Variants in DGCR8 observed in about 807,000 individuals in gnomAD.
DGCR8 encodes the protein DGCR8 microprocessor complex subunit, also known as microprocessor complex subunit DGCR8.
A neutral mutation model predicts 78.5 loss-of-function variants in DGCR8; 14 were observed. The ratio of observed to expected loss-of-function variants is 0.18; its 90% CI spans 0.12 to 0.28. DGCR8 has a LOEUF of 0.28. Ranked by LOEUF, DGCR8 falls within the 10% of genes least tolerant of loss-of-function variation. The pLI, the probability that DGCR8 is intolerant of heterozygous loss-of-function variation, is 1.00. For synonymous variants in DGCR8, 399 were observed against 402.4 expected (o/e 0.99, Z 0.10); for missense variants, 702 against 1,022.5 (o/e 0.69, Z 4.28).
At chr22:20,084,687 G>T (rs1394332125) in intron 1 of DGCR8, among the ~76,000 whole-genome samples, 1 of 152,168 alleles carries the variant, frequency 6.6e-6, no homozygotes, top group East Asian at 1.9e-4. Flanking sequence ...GCTGGAATTT[G>T]GGTGTCCTTC....
rs2049582646 is a variant in DGCR8, at chr22:20,092,896, A to G, written c.1694A>G (p.Lys565Arg). 3 of 1,613,386 alleles carry G rather than the reference A, an allele frequency of 1.9e-6. No individual in the cohort carries two copies. The highest frequency in any genetic ancestry group is 2.5e-6 in the Non-Finnish European group (3 of 1,179,472). Residue 565 changes from lysine to arginine, a missense_variant, in exon 8 of 14, where the codon AAG becomes AGG. Lys to Arg is a conservative substitution (Grantham distance 26). Transcript: ENST00000351989. ...SGTASSKKLA[K>R]NKAARATLEI... ...ACTGCAAGCAGCAAAAAACTTGCGA[A>G]GAATAAAGCTGGTAACGTGCTTGCT...
chr22:20,106,718 T>C lies in DGCR8; in HGVS notation c.1996+20T>C. The C allele has an allele frequency of 1.3e-6, 2 of 1,574,698 alleles. No homozygotes were observed. The highest frequency in any genetic ancestry group is 1.7e-6 in the Non-Finnish European group (2 of 1,144,304). ...GGTGGTGTAAGGACTCCTTCTCTGC[T>C]GCCTGGTGGCCGCTGGGCGGGCGGC... On this transcript the variant is annotated intron_variant, in intron 11 of 13. Coordinates refer to ENST00000351989, the MANE Select transcript of DGCR8 (RefSeq NM_022720.7).
chr22:20,082,929 G>T (rs2049434568), intron 1 of DGCR8, among the ~76,000 whole-genome samples: 1 of 152,208 alleles, frequency 6.6e-6, no homozygotes, highest in Admixed American at 6.5e-5. Context: ...CTATCCGGTG[G>T]CCCATCTCTC....
intron 7 of DGCR8, 83 bp downstream of exon 7, chr22:20,092,053 C>A: frequency 9.6e-7 from 1 of 1,041,636 alleles, no homozygotes; most frequent in Non-Finnish European, 1.5e-6. Context: ...GCGCTGACCG[C>A]TAGCCCTACT....
In DGCR8 at chr22:20,110,312, C is replaced by G. The variant is rs963870403; in HGVS notation, c.*204C>G. 61 of 573,588 alleles carry G rather than the reference C, an allele frequency of 1.1e-4. No homozygotes were observed. The highest frequency in any genetic ancestry group is 9.1e-4 in the Middle Eastern group (2 of 2,196). The allele number at this position is 573,588 out of a possible 1,614,324, so 35.5% of individuals were successfully genotyped here. ...CACACATGTGGAGCAGCGGCTCTCC[C>G]TGGAAAGCTCCAGGCCTGAATGGAT... On this transcript the variant is annotated 3_prime_UTR_variant, in exon 14 of 14. Transcript: ENST00000351989.
Position 20,085,550 on chromosome 22 carries a change from T to G in DGCR8, c.-277-137T>G. The G allele has an allele frequency of 6.6e-6, 4 of 601,992 alleles. No homozygotes were observed. The highest frequency in any genetic ancestry group is 9.7e-6 in the Non-Finnish European group (4 of 413,538). The allele number at this position is 601,992 out of a possible 1,614,324, so 37.3% of individuals were successfully genotyped here. A position where few individuals can be genotyped will look rare whatever the true frequency, so the allele number is the denominator to read the frequency against. On this transcript the variant is annotated intron_variant, in intron 1 of 13. Transcript: ENST00000351989. This position sits in a 1 kb window ranked among gnomAD's most constrained non-coding sequence, Gnocchi z 6.2. ...TAAAAGTAAGGTTAGTTTGTTTTGA[T>G]GCCTAAAAAGTCCTCTTAGGGAATA...
Position 20,086,825 on chromosome 22 carries a change from T to C in DGCR8, c.720+142T>C. The C allele has an allele frequency of 9.5e-7, 1 of 1,051,538 alleles. No individual in the cohort carries two copies. Among genetic ancestry groups the C allele is most frequent in the African/African-American group, 1.6e-5 (1 of 62,384 alleles). The allele number at this position is 1,051,538 out of a possible 1,614,324, so 65.1% of individuals were successfully genotyped here. ...CCCCTCTGAGGTGGAATAATGTTAA[T>C]GTGGAGAAGAGAAAGATGTAAGGAG... is the stretch of plus-strand genomic sequence containing the variant. On this transcript the variant is annotated intron_variant, in intron 2 of 13. Coordinates refer to ENST00000351989, the MANE Select transcript of DGCR8 (RefSeq NM_022720.7). This position sits in a 1 kb window ranked among gnomAD's most constrained non-coding sequence, Gnocchi z 6.4.
Position 20,098,182 on chromosome 22 carries a change from G to A in DGCR8, c.1788+3387G>A, listed in dbSNP as rs12628316. Reference sequence around the variant, plus strand: ...ATATATATATATGGGGTAGAGATGGGGTTTCACCATATTGCTCAGGCTGGT... The same window carrying A: ...ATATATATATATGGGGTAGAGATGGAGTTTCACCATATTGCTCAGGCTGGT... On this transcript the variant is annotated intron_variant, in intron 9 of 13. Coordinates refer to ENST00000351989, the MANE Select transcript of DGCR8 (RefSeq NM_022720.7). Among the ~76,000 whole-genome samples, 140 of 151,728 alleles carry A rather than the reference G, an allele frequency of 9.2e-4. 1 individual carries two copies. The East Asian group carries it at 0.027, about 29-fold the overall frequency.
intron 9 of DGCR8, chr22:20,102,032 T>C (rs1333597983): frequency 1.0e-6 from 1 of 985,300 alleles, no homozygotes; most frequent in African/African-American, 1.7e-5. Flanking sequence ...TAGCTGTGGG[T>C]TGGTGGTTCA....
In DGCR8 at chr22:20,086,390, G is replaced by A. The variant is rs1306931358; in HGVS notation, c.427G>A (p.Asp143Asn). 10 of 1,613,882 alleles carry A rather than the reference G, an allele frequency of 6.2e-6. No homozygotes were observed. The highest frequency in any genetic ancestry group is 1.6e-4 in the Middle Eastern group (1 of 6,084). ...GGTGCTGTACACAGGAGCAGAGCGC[G>A]ACGTGCGGGCGGAGTGCGGTCTGCT... ...RKVLYTGAERDVRAECGLLLS... is the reference protein window; with the variant it reads ...RKVLYTGAERNVRAECGLLLS... The change falls in exon 2 of 14, where the codon GAC (aspartate) becomes AAC (asparagine). Residue 143 changes from aspartate (D) to asparagine (N), a missense_variant. Around this residue, in one of 4 missense-constraint regions of DGCR8, gnomAD observed 356 missense variants for 448.9 expected, o/e 0.79. Coordinates refer to ENST00000351989, the MANE Select transcript of DGCR8 (RefSeq NM_022720.7). This position sits in a 1 kb window ranked among gnomAD's most constrained non-coding sequence, Gnocchi z 6.4.
At chr22:20,099,233 A>G (rs77544310) in intron 9 of DGCR8, among the ~76,000 whole-genome samples, 6,313 of 152,270 alleles carry the variant, frequency 0.041, 178 homozygotes, top group South Asian at 0.095. Context: ...GACATACGCT[A>G]GAGCCTTTCA....
At chr22:20,095,935 G>A (rs1247029801) in intron 9 of DGCR8, among the ~76,000 whole-genome samples, 3 of 151,958 alleles carry the variant, frequency 2.0e-5, no homozygotes, top group South Asian at 4.2e-4. Flanking sequence ...TTCACAATAG[G>A]GTTCACACTC....
rs1053615008 is a variant in DGCR8, at chr22:20,087,936, A to C, written c.880+615A>C. On this transcript the variant is annotated intron_variant, in intron 3 of 13. Coordinates refer to ENST00000351989, the MANE Select transcript of DGCR8 (RefSeq NM_022720.7). The surrounding 1 kb of genome is among the most constrained non-coding windows in gnomAD (Gnocchi z 4.1). ...TGAGGCTCTGTCATCGATGTGGTGC[A>C]GGTGTTGGGGGAGTCGGAGTTGGTG... 6.6e-6 allele frequency among the ~76,000 whole-genome samples: 1 copy of C among 152,092 alleles called. No individual in the cohort carries two copies.
At chr22:20,100,319 C>T in intron 9 of DGCR8, 1 of 972,564 alleles carries the variant, frequency 1.0e-6, no homozygotes, top group South Asian at 4.8e-5. Flanking sequence ...TCCGTCTTGG[C>T]CTCCCAAAGT....
chr22:20,103,969 A>T (rs2049738118), intron 9 of DGCR8, among the ~76,000 whole-genome samples: 3 of 152,182 alleles, frequency 2.0e-5, no homozygotes, highest in Admixed American at 2.0e-4. Flanking sequence ...GTCCTTTGGC[A>T]TCTGCCAGGC....
intron 5 of DGCR8, among the ~76,000 whole-genome samples, chr22:20,090,964 G>GC (rs2049550793): frequency 6.6e-6 from 1 of 152,220 alleles, no homozygotes; most frequent in African/African-American, 2.4e-5. Flanking sequence ...TGGGGAAGTG[G>GC]CCCGGGAGGA....
chr22:20,109,446 C>T (rs1032211627), intron 13 of DGCR8, among the ~76,000 whole-genome samples: 3 of 152,180 alleles, frequency 2.0e-5, no homozygotes, highest in Non-Finnish European at 2.9e-5. Context: ...CTGGCCACGG[C>T]GTGACCTGCC....
chr22:20,092,918 T>C lies in DGCR8; in HGVS notation c.1705+11T>C. Reference sequence around the variant, plus strand: ...CGAAGAATAAAGCTGGTAACGTGCTTGCTTGGGTGTCAAAGATACGTGCTG... The same window carrying C: ...CGAAGAATAAAGCTGGTAACGTGCTCGCTTGGGTGTCAAAGATACGTGCTG... On this transcript the variant is annotated intron_variant, in intron 8 of 13. Transcript: ENST00000351989. 6.2e-7 allele frequency: 1 copy of C among 1,608,516 alleles called. No individual in the cohort carries two copies. The highest frequency in any genetic ancestry group is 1.7e-5 in the Admixed American group (1 of 59,882).
chr22:20,096,463 G>C (rs1313854757), intron 9 of DGCR8: 1 of 985,220 alleles, frequency 1.0e-6, no homozygotes, highest in Non-Finnish European at 1.2e-6. Context: ...TGGGTAAATG[G>C]TTATTTGTAG....
Sources: gnomAD v4.1 joint callset for allele counts (sites outside exome capture counted in the v4.1 genomes callset) on GRCh38, gnomAD v4.1.1 for gene constraint, gnomAD v4.1.1 regional missense constraint, Gnocchi (gnomAD v3.1) non-coding constraint, MANE v1.5 for transcripts, NCBI Gene and HGNC (gene_info 2026-07-23, HGNC 2026-07-21) for gene names.